The following NSRP1 variants were observed in gnomAD, a reference collection of about 807,000 sequenced individuals.
The protein encoded by NSRP1 is coiled-coil domain containing 55.
Under a neutral mutation model 54.7 loss-of-function variants are expected in NSRP1, and 24 were observed. The ratio of observed to expected loss-of-function variants is 0.44; its 90% CI spans 0.32 to 0.62. NSRP1 has a LOEUF of 0.62. Among genes scored for constraint, NSRP1 ranks in the 20% least tolerant of loss-of-function variants. NSRP1 has a pLI of 0.06. For synonymous variants in NSRP1, 210 were observed against 213.8 expected (o/e 0.98, Z 0.15); for missense variants, 596 against 651.2 (o/e 0.92, Z 0.92).
chr17:30,140,160 T>C (rs983587299), intron 2 of NSRP1, among the ~76,000 whole-genome samples: 2 of 152,268 alleles, frequency 1.3e-5, no homozygotes, highest in African/African-American at 4.8e-5. Context: ...TTAACAGATT[T>C]GCAAAAATAC....
Position 30,185,786 on chromosome 17 carries a change from A to G in NSRP1, c.*112A>G. ...CCAGTAGTTTGGAGGGCATTTTTAA[A>G]TTTATTTTCAAAATTTTAAGTTAAA... On this transcript the variant is annotated 3_prime_UTR_variant, in exon 7 of 7. Transcript: ENST00000247026. The G allele has an allele frequency of 8.2e-7, 1 of 1,225,512 alleles. No homozygotes were observed. The highest frequency in any genetic ancestry group is 1.8e-5 in the South Asian group (1 of 55,284). The allele number at this position is 1,225,512 out of a possible 1,614,324, so 75.9% of individuals were successfully genotyped here.
chr17:30,149,236 G>T (rs941218342), intron 2 of NSRP1, among the ~76,000 whole-genome samples: 2 of 152,124 alleles, frequency 1.3e-5, no homozygotes, highest in African/African-American at 2.4e-5. Flanking sequence ...AAAAAATAGA[G>T]ATGGGGTCTT....
chr17:30,155,121 TG>T (rs915263025), intron 2 of NSRP1, among the ~76,000 whole-genome samples: 91 of 152,296 alleles, frequency 6.0e-4, no homozygotes, highest in Middle Eastern at 3.4e-3. Flanking sequence ...TTTTAATTTT[TG>T]TGAGTATGAA....
chr17:30,143,948 A>G (rs750094073), intron 2 of NSRP1: 2 of 152,170 alleles, frequency 1.3e-5, no homozygotes, highest in African/African-American at 2.4e-5. Context: ...CCATAAATGT[A>G]TACATGTACC....
At position 30,140,764 on chromosome 17, in the gene NSRP1, G is replaced by A. The variant is rs543061488; in HGVS notation, c.114+22591G>A. 1.1e-4 allele frequency among the ~76,000 whole-genome samples: 16 copies of A among 152,044 alleles called. No individual in the cohort carries two copies. In the East Asian group the frequency reaches 1.9e-3, roughly 18 times the overall value. ...AGGCTGGTCTCGAACTCCTGACCTC[G>A]TGATCCGCACTCCTTGGCCGCCCAA... On this transcript the variant is annotated intron_variant, in intron 2 of 6. Transcript: ENST00000247026.
intron 2 of NSRP1, among the ~76,000 whole-genome samples, chr17:30,129,455 G>A (rs557017813): frequency 6.6e-6 from 1 of 150,604 alleles, no homozygotes; most frequent in African/African-American, 2.4e-5. Context: ...TATTCCCAAA[G>A]TAAGAAGCAT....
intron 2 of NSRP1, among the ~76,000 whole-genome samples, chr17:30,163,966 A>G (rs147454463): frequency 0.023 from 3,538 of 152,194 alleles, 132 homozygotes; most frequent in African/African-American, 0.082. Flanking sequence ...GATTACAGGC[A>G]TGAGCCACCG....
intron 2 of NSRP1, among the ~76,000 whole-genome samples, chr17:30,169,896 T>C (rs1262859808): frequency 6.6e-6 from 1 of 151,806 alleles, no homozygotes; most frequent in Non-Finnish European, 1.5e-5. Context: ...AGATAGCAAG[T>C]GTTAATAGGC....
intron 2 of NSRP1, among the ~76,000 whole-genome samples, chr17:30,158,450 G>T (rs1227524542): frequency 2.0e-5 from 3 of 151,892 alleles, no homozygotes; most frequent in African/African-American, 7.3e-5. Flanking sequence ...TTGCTGTACG[G>T]AAGTGTTTTA....
At chr17:30,168,707 T>C (rs1187465120) in intron 2 of NSRP1, 2 of 151,550 alleles carry the variant, frequency 1.3e-5, no homozygotes, top group African/African-American at 4.8e-5. Context: ...GAGTTTTTTA[T>C]GTTATATAGA....
chr17:30,173,456 T>G (rs576795833), intron 3 of NSRP1, among the ~76,000 whole-genome samples: 61 of 152,310 alleles, frequency 4.0e-4, no homozygotes, highest in African/African-American at 1.4e-3. Context: ...TATTGTAGAC[T>G]AGTATATCTT....
intron 2 of NSRP1, among the ~76,000 whole-genome samples, chr17:30,123,526 G>C (rs1281488216): frequency 6.6e-6 from 1 of 152,128 alleles, no homozygotes; most frequent in East Asian, 1.9e-4. Context: ...TGGGTTGTCT[G>C]TTCACTTTTC....
At chr17:30,149,603 G>A (rs1017989706) in intron 2 of NSRP1, among the ~76,000 whole-genome samples, 1 of 152,126 alleles carries the variant, frequency 6.6e-6, no homozygotes, top group Non-Finnish European at 1.5e-5. Flanking sequence ...GGCTGAGGCA[G>A]GAGGATTGCT....
intron 2 of NSRP1, chr17:30,154,711 CAA>C (rs567375351): frequency 1.7e-4 from 19 of 110,904 alleles, no homozygotes; most frequent in Admixed American, 2.9e-4. Flanking sequence ...GACCCTGTCT[CAA>C]AAAAAAAAAA....
intron 2 of NSRP1, chr17:30,144,138 A>C (rs1229476778): frequency 1.3e-5 from 2 of 151,986 alleles, no homozygotes; most frequent in Admixed American, 6.6e-5. Context: ...TGAGCAATCT[A>C]AAATTACCCT....
chr17:30,172,475 G>A, intron 2 of NSRP1, 67 bp from the exon 3 acceptor site: 8 of 1,243,674 alleles, frequency 6.4e-6, no homozygotes, highest in Non-Finnish European at 9.1e-6. Context: ...TTTAGATAGG[G>A]GACGCTCGTA....
Position 30,123,628 on chromosome 17 carries a change from A to G in NSRP1, c.114+5455A>G, listed in dbSNP as rs907740358. 1.1e-4 allele frequency among the ~76,000 whole-genome samples: 16 copies of G among 152,204 alleles called. 1 individual carries two copies. Among genetic ancestry groups the G allele is most frequent in the Admixed American group, 1.0e-3 (16 of 15,278 alleles). ...GCTTTAGTGTCCTACCTAAGAAACCATTGCCTAATCCGAGGTCACAAAGAT... is the reference window on the plus strand; with the variant it reads ...GCTTTAGTGTCCTACCTAAGAAACCGTTGCCTAATCCGAGGTCACAAAGAT... On this transcript the variant is annotated intron_variant, in intron 2 of 6. Coordinates refer to ENST00000247026, the MANE Select transcript of NSRP1 (RefSeq NM_032141.4).
chr17:30,180,838 G>A, intron 5 of NSRP1, 70 bp from the exon 6 acceptor site: 2 of 963,696 alleles, frequency 2.1e-6, no homozygotes, highest in East Asian at 2.4e-5. Flanking sequence ...GTTATATACT[G>A]TATGTCTGTA....
chr17:30,127,665 C>T (rs777737417), intron 2 of NSRP1, among the ~76,000 whole-genome samples: 1 of 152,136 alleles, frequency 6.6e-6, no homozygotes, highest in African/African-American at 2.4e-5. Flanking sequence ...CCTTGTGCCT[C>T]AGCCTCCCAA....
Sources: gnomAD v4.1 joint callset for allele counts (sites outside exome capture counted in the v4.1 genomes callset) on GRCh38, gnomAD v4.1.1 for gene constraint, MANE v1.5 for transcripts, NCBI Gene and HGNC (gene_info 2026-07-23, HGNC 2026-07-21) for gene names.